EYS: variants seen among roughly 807,000 people sequenced by gnomAD.
The protein encoded by EYS is EGF-like photoreceptor maintenance factor, also known as protein eyes shut homolog.
In EYS, 250 loss-of-function variants were observed where a neutral mutation model predicts 282.1. The observed-to-expected ratio is 0.89, with a 90% CI of 0.80 to 0.98. The LOEUF (loss-of-function observed/expected upper bound fraction) is 0.98, where lower values mean the gene tolerates loss of function less well. Among genes scored for constraint, EYS ranks in the 50% least tolerant of loss-of-function variants. EYS has a pLI of 0.00. For missense variants in EYS, 4,016 were observed against 3,709.0 expected, an observed-to-expected ratio of 1.08 and a Z score of -2.15; for synonymous variants, 1,355 against 1,282.9, an observed-to-expected ratio of 1.06 and a Z score of -1.20.
At chr6:65,500,362 C>T (rs1766407165) in intron 2 of EYS, among the ~76,000 whole-genome samples, 1 of 151,836 alleles carries the variant, frequency 6.6e-6, no homozygotes, top group African/African-American at 2.4e-5. Context: ...TTAAGAAAAA[C>T]AAAGAAAAGG....
At chr6:65,262,973 G>T (rs1057463146) in intron 12 of EYS, among the ~76,000 whole-genome samples, 3 of 152,118 alleles carry the variant, frequency 2.0e-5, no homozygotes, top group Non-Finnish European at 4.4e-5. Context: ...TTATGAAGTA[G>T]AAATGGTTAT....
intron 2 of EYS, among the ~76,000 whole-genome samples, chr6:65,509,096 A>G (rs1455292340): frequency 6.6e-6 from 1 of 152,200 alleles, no homozygotes; most frequent in Non-Finnish European, 1.5e-5. Flanking sequence ...GAAAATAAAC[A>G]TAACATAAGA....
intron 2 of EYS, among the ~76,000 whole-genome samples, chr6:65,600,959 A>G (rs1765598420): frequency 6.6e-6 from 1 of 151,888 alleles, no homozygotes; most frequent in South Asian, 2.1e-4. Context: ...CATGTCACTT[A>G]GTTTCCATGT....
chr6:65,104,302 T>C (rs1432649756), intron 12 of EYS, among the ~76,000 whole-genome samples: 1 of 151,456 alleles, frequency 6.6e-6, no homozygotes, highest in African/African-American at 2.4e-5. Context: ...TAATGTGTCC[T>C]TCAATGTTTA....
chr6:65,657,748 G>GA (rs1690560801), intron 1 of EYS, among the ~76,000 whole-genome samples: 1 of 151,858 alleles, frequency 6.6e-6, no homozygotes. Context: ...GGTTTGAGAG[G>GA]ATTGACTCTA....
intron 36 of EYS, among the ~76,000 whole-genome samples, chr6:63,848,556 GC>G (rs1377159972): frequency 6.6e-6 from 1 of 151,822 alleles, no homozygotes; most frequent in African/African-American, 2.4e-5. Flanking sequence ...AGGGTGGGGT[GC>G]CCCTCACCCA....
At position 64,891,709 on chromosome 6, in the gene EYS, C is replaced by G. The variant is rs115837053; in HGVS notation, c.2847-4867G>C. Among the ~76,000 whole-genome samples the G allele has an allele frequency of 5.5e-3, 830 of 152,130 alleles. 19 individuals are homozygous for G. Among genetic ancestry groups the G allele is most frequent in the Middle Eastern group, 0.027 (8 of 294 alleles). The stretch of plus-strand genomic sequence containing the variant: ...GATTTTTATTAATGTCCTAAGTGAT[C>G]CAGTCAAATGTACAGTCAGTACTGC... On this transcript the variant is annotated intron_variant, in intron 18 of 42. Coordinates refer to ENST00000503581, the MANE Select transcript of EYS (RefSeq NM_001142800.2).
At chr6:64,646,075 T>A (rs1768339229) in intron 22 of EYS, among the ~76,000 whole-genome samples, 1 of 152,142 alleles carries the variant, frequency 6.6e-6, no homozygotes, top group Admixed American at 6.5e-5. Context: ...GATCCTAAAT[T>A]CTCAGGGTAG....
rs536460745 is a variant in EYS, at chr6:63,878,485, C to T, written c.7056-14127G>A. On this transcript the variant is annotated intron_variant, in intron 35 of 42. Transcript: ENST00000503581. ...GATCTCAAACTCCATGCTCGGAGAA[C>T]CACTACTCTCTTCAAAGCTGTCAGA... Among the ~76,000 whole-genome samples the T allele has an allele frequency of 3.9e-5, 6 of 152,216 alleles. No individual in the cohort carries two copies. In the East Asian group the frequency reaches 1.2e-3, roughly 29 times the overall value.
intron 33 of EYS, among the ~76,000 whole-genome samples, chr6:64,031,711 T>A (rs1769849848): frequency 6.6e-6 from 1 of 152,152 alleles, no homozygotes; most frequent in Non-Finnish European, 1.5e-5. Flanking sequence ...ATCTAGCTAC[T>A]CTGGTGGGGA....
intron 26 of EYS, among the ~76,000 whole-genome samples, chr6:64,538,750 G>A (rs1009413224): frequency 1.3e-5 from 2 of 152,052 alleles, no homozygotes; most frequent in Non-Finnish European, 1.5e-5. Flanking sequence ...TCTATAATGG[G>A]TTTTAATTAT....
chr6:65,680,966 C>T (rs933145732), intron 1 of EYS, among the ~76,000 whole-genome samples: 12 of 151,770 alleles, frequency 7.9e-5, no homozygotes, highest in Non-Finnish European at 4.4e-5. Flanking sequence ...CACTGGCCAC[C>T]GGTGATCATT....
chr6:64,812,240 TACACACAC>T (rs71739816), intron 22 of EYS, among the ~76,000 whole-genome samples: 14 of 148,046 alleles, frequency 9.5e-5, no homozygotes, highest in South Asian at 2.2e-4. Context: ...GGATTTAAAA[TACACACAC>T]ACACACACAC....
At chr6:64,958,285 G>A (rs891697556) in intron 14 of EYS, among the ~76,000 whole-genome samples, 3 of 152,170 alleles carry the variant, frequency 2.0e-5, no homozygotes, top group Non-Finnish European at 4.4e-5. Flanking sequence ...GGGAGGCTGA[G>A]ACATGAGAGT....
chr6:64,643,266 A>G (rs964216677), intron 22 of EYS, among the ~76,000 whole-genome samples: 1 of 152,218 alleles, frequency 6.6e-6, no homozygotes, highest in African/African-American at 2.4e-5. Flanking sequence ...ATATCAGGTC[A>G]GTGCAAAAGT....
intron 31 of EYS, among the ~76,000 whole-genome samples, chr6:64,175,735 G>A (rs1328178662): frequency 6.6e-6 from 1 of 152,132 alleles, no homozygotes; most frequent in Non-Finnish European, 1.5e-5. Flanking sequence ...GCCCTGTGAA[G>A]TTTGTCACGC....
chr6:65,384,528 A>T, intron 7 of EYS, 28 bp from the exon 8 acceptor site: 1 of 1,097,384 alleles, frequency 9.1e-7, no homozygotes. Flanking sequence ...TAAATTAGAA[A>T]AATTATAATT....
intron 30 of EYS, among the ~76,000 whole-genome samples, chr6:64,290,025 G>A (rs1269971138): frequency 6.6e-6 from 1 of 152,060 alleles, no homozygotes; most frequent in East Asian, 1.9e-4. Context: ...GTACCAAGCA[G>A]TGTCTGTTGT....
intron 22 of EYS, among the ~76,000 whole-genome samples, chr6:64,757,740 T>G (rs963092937): frequency 2.9e-4 from 26 of 89,578 alleles, no homozygotes; most frequent in Non-Finnish European, 5.4e-4. Flanking sequence ...TTTTCTTTTT[T>G]TCTTTGTGTG....
Sources: allele counts gnomAD v4.1 joint callset (sites outside exome capture counted in the v4.1 genomes callset), GRCh38; gene constraint gnomAD v4.1.1; transcripts MANE v1.5; gene names NCBI Gene and HGNC (gene_info 2026-07-23, HGNC 2026-07-21).